The following DCST2 variants were observed in gnomAD, a reference collection of about 807,000 sequenced individuals.
DCST2 encodes the protein DC-STAMP domain-containing protein 2.
In DCST2, 64 loss-of-function variants were observed where a neutral mutation model predicts 81.8. That is an observed-to-expected ratio of 0.78 (90% CI 0.64 to 0.96). The LOEUF is 0.96. Among genes scored for constraint, DCST2 ranks in the 40% least tolerant of loss-of-function variants. The probability of loss-of-function intolerance (pLI) is 0.00; values close to 1 mark genes in which losing one functional copy is unlikely to be tolerated. For synonymous variants in DCST2, 354 were observed against 402.6 expected (o/e 0.88, Z 1.44); for missense variants, 945 against 1,001.4 (o/e 0.94, Z 0.76).
chr1:155,027,852 C>T (rs139056726), intron 8 of DCST2, among the ~76,000 whole-genome samples: 4 of 151,608 alleles, frequency 2.6e-5, no homozygotes, highest in East Asian at 1.9e-4. Flanking sequence ...CGTGAGCCAC[C>T]GCACCTGGCT....
chr1:155,032,630 T>C, intron 3 of DCST2, 37 bp downstream of exon 3: 2 of 1,591,376 alleles, frequency 1.3e-6, no homozygotes, highest in South Asian at 1.1e-5. Context: ...ACTGGGTGCA[T>C]TTTGAGTCCC....
intron 14 of DCST2, among the ~76,000 whole-genome samples, chr1:155,019,699 G>A (rs1659692058): frequency 1.3e-5 from 2 of 152,164 alleles, no homozygotes; most frequent in African/African-American, 4.8e-5. Context: ...ACTCCATCTT[G>A]TCCTCCTGAC....
At chr1:155,019,305 A>G (rs1659673130) in intron 14 of DCST2, among the ~76,000 whole-genome samples, 2 of 152,102 alleles carry the variant, frequency 1.3e-5, no homozygotes, top group Non-Finnish European at 2.9e-5. Context: ...CTGTCTCCTC[A>G]GGCCTGCCAG....
chr1:155,027,554 C>CTTTTTTTTTTTTTTT (rs779621299), intron 8 of DCST2, among the ~76,000 whole-genome samples: 1 of 64,022 alleles, frequency 1.6e-5, no homozygotes, highest in Non-Finnish European at 2.8e-5. Context: ...TTTTTTACTT[C>CTTTTTTTTTTTTTTT]TTTTTTTTTT....
chr1:155,029,324 G>A lies in DCST2; in HGVS notation c.1251C>T (p.Leu417=), dbSNP rs763732474. The A allele has an allele frequency of 2.5e-6, 4 of 1,614,018 alleles. No individual in the cohort carries two copies. In the African/African-American group the frequency reaches 4.0e-5, roughly 16 times the overall value. Residue 417 remains leucine, a synonymous_variant, in exon 8 of 15, where the codon CTC becomes CTT. Transcript: ENST00000368424. ...CTAGGAAGACTAGGAACAGCACGAG[G>A]AGGAGGTGTCGGATAAGGTTGAAGG... is the stretch of plus-strand genomic sequence containing the variant. The part of the protein sequence containing the change: ...LETFNLIRHL[L]LVLFLVFLDY...
intron 14 of DCST2, among the ~76,000 whole-genome samples, chr1:155,022,900 C>A (rs1189416789): frequency 6.6e-6 from 1 of 152,198 alleles, no homozygotes; most frequent in Non-Finnish European, 1.5e-5. Context: ...ACCCTGTTAT[C>A]TATTCGATGT....
chr1:155,023,121 A>G lies in DCST2; in HGVS notation c.2101T>C (p.Ser701Pro). ...CAACTCCTGCTTCCTGCTCACCTGG[A>G]CTCGGAAGTGGACTCCATTGAGAGG... ...RSLSMESTSE[S>P]SDLDEEKGPQ... The change falls in exon 14 of 15, where the codon TCC becomes CCC. Residue 701 changes from serine (S) to proline (P), a missense_variant. Coordinates refer to ENST00000368424, the MANE Select transcript of DCST2 (RefSeq NM_144622.3). 6.2e-7 allele frequency: 1 copy of G among 1,611,946 alleles called. No individual in the cohort carries two copies. Among genetic ancestry groups the G allele is most frequent in the Non-Finnish European group, 8.5e-7 (1 of 1,179,926 alleles).
At chr1:155,024,439 G>A in intron 11 of DCST2, 33 bp downstream of exon 11, 1 of 1,547,606 alleles carries the variant, frequency 6.5e-7, no homozygotes, top group Non-Finnish European at 8.8e-7. Context: ...ATCCCCTCTT[G>A]CCCCACCCCT....
chr1:155,018,623 G>A lies in DCST2; in HGVS notation c.2243C>T (p.Ala748Val). The A allele has an allele frequency of 6.2e-7, 1 of 1,613,880 alleles. No homozygotes were observed. Among genetic ancestry groups the A allele is most frequent in the Non-Finnish European group, 8.5e-7 (1 of 1,179,870 alleles). ...PPETSSATKGAPTPASEPSVP... is the reference protein window; with the variant it reads ...PPETSSATKGVPTPASEPSVP... ...TGAGGGTTCTGAAGCTGGAGTGGGG[G>A]CTCCTTTAGTGGCGGAGGATGTCTC... The change falls in exon 15 of 15, where the codon GCC (alanine) becomes GTC (valine). Residue 748 changes from alanine (A) to valine (V), a missense_variant. By Grantham distance (64) the Ala-to-Val change is moderately conservative. Coordinates refer to ENST00000368424, the MANE Select transcript of DCST2 (RefSeq NM_144622.3).
chr1:155,022,969 C>A, intron 14 of DCST2, 148 bp downstream of exon 14: 1 of 1,286,552 alleles, frequency 7.8e-7, no homozygotes, highest in Non-Finnish European at 1.1e-6. Context: ...ACAGAGCAGC[C>A]GCTTGGCAAA....
At chr1:155,027,023 A>AT (rs965130644) in intron 8 of DCST2, among the ~76,000 whole-genome samples, 4 of 151,464 alleles carry the variant, frequency 2.6e-5, no homozygotes, top group African/African-American at 9.7e-5. Context: ...ACCCAGAAGC[A>AT]TTTATTTTTT....
At chr1:155,023,052 G>A in intron 14 of DCST2, 65 bp downstream of exon 14, 4 of 1,560,546 alleles carry the variant, frequency 2.6e-6, no homozygotes, top group Non-Finnish European at 2.6e-6. Flanking sequence ...GAAGGCCTTT[G>A]CAAATGGAAC....
At chr1:155,024,342 A>G in intron 11 of DCST2, 130 bp downstream of exon 11, 5 of 1,290,074 alleles carry the variant, frequency 3.9e-6, no homozygotes, top group Admixed American at 2.6e-5. Flanking sequence ...TCACAGCGTT[A>G]AGGGTATGCA....
Position 155,023,197 on chromosome 1 carries a change from A to G in DCST2, c.2025T>C (p.Pro675=). The G allele has an allele frequency of 6.2e-7, 1 of 1,614,140 alleles. No individual in the cohort carries two copies. The highest frequency in any genetic ancestry group is 8.5e-7 in the Non-Finnish European group (1 of 1,180,020). ...GTTGCTGCAATAACCATGCCTGCTC[A>G]GGGTCCTTCCTTTGAGCTGCAGCCA... ...LWLAAAQRKD[P]EQAWLLQQQL... Residue 675 remains proline, a synonymous_variant, in exon 14 of 15, where the codon CCT becomes CCC. Coordinates refer to ENST00000368424, the MANE Select transcript of DCST2 (RefSeq NM_144622.3).
intron 14 of DCST2, among the ~76,000 whole-genome samples, chr1:155,021,687 C>T (rs1401467450): frequency 6.6e-6 from 1 of 151,992 alleles, no homozygotes; most frequent in Admixed American, 6.6e-5. Flanking sequence ...AGTCGTCTTT[C>T]CCCAGAACCT....
Position 155,033,428 on chromosome 1 carries a change from G to A in DCST2, c.268+6C>T. 6.2e-7 allele frequency: 1 copy of A among 1,611,774 alleles called. No individual in the cohort carries two copies. Among genetic ancestry groups the A allele is most frequent in the African/African-American group, 1.3e-5 (1 of 74,980 alleles). On this transcript the variant is annotated splice_donor_region_variant and intron_variant, in intron 1 of 14. Transcript: ENST00000368424. ...CCTGCCCCCTAGCCCTGGGTGCCAA[G>A]CTCACTGGAGAAGGCCTGAGGCAGC...
At position 155,033,112 on chromosome 1, in the gene DCST2, C is replaced by T. The variant is rs1660151402; in HGVS notation, c.421G>A (p.Ala141Thr). 2.5e-6 allele frequency: 4 copies of T among 1,584,366 alleles called. No individual in the cohort carries two copies. The highest frequency in any genetic ancestry group is 3.7e-5 in the Admixed American group (2 of 54,070). The change falls in exon 2 of 15, where the codon GCC becomes ACC. Residue 141 changes from alanine to threonine, a missense_variant. Coordinates refer to ENST00000368424, the MANE Select transcript of DCST2 (RefSeq NM_144622.3). ...LNQTAEVLQRAKQPLVSALNK... is the reference protein window; with the variant it reads ...LNQTAEVLQRTKQPLVSALNK... ...GACTTACTGACAAGAGGTTGCTTGG[C>T]CCTCTGTAGCACTTCGGCGGTCTGG...
At chr1:155,030,375 A>T in intron 6 of DCST2, 57 bp downstream of exon 6, 1 of 1,600,636 alleles carries the variant, frequency 6.2e-7, no homozygotes. Flanking sequence ...TGCTCCCTGC[A>T]GCCCTGGCCC....
chr1:155,029,019 C>A (rs1243624672), intron 8 of DCST2, among the ~76,000 whole-genome samples: 1 of 152,154 alleles, frequency 6.6e-6, no homozygotes, highest in Non-Finnish European at 1.5e-5. Context: ...AAGTTATAAT[C>A]TTGACCTAGA....
Sources: allele counts gnomAD v4.1 joint callset (sites outside exome capture counted in the v4.1 genomes callset), GRCh38; gene constraint gnomAD v4.1.1; transcripts MANE v1.5; gene names NCBI Gene and HGNC (gene_info 2026-07-23, HGNC 2026-07-21).